Variants in ARID4B observed in about 807,000 individuals in gnomAD.
ARID4B encodes AT-rich interactive domain-containing protein 4B.
Under a neutral mutation model 147.5 loss-of-function variants are expected in ARID4B, and 26 were observed. The ratio of observed to expected loss-of-function variants is 0.18; its 90% CI spans 0.13 to 0.24. ARID4B has a LOEUF of 0.24. Among genes scored for constraint, ARID4B ranks in the 10% least tolerant of loss-of-function variants. The pLI is 1.00. For missense variants in ARID4B, 1,179 were observed against 1,511.5 expected (o/e 0.78, Z 3.65); for synonymous variants, 512 against 507.9 (o/e 1.01, Z -0.11).
chr1:235,211,009 A>C (rs1199343879), intron 17 of ARID4B, among the ~76,000 whole-genome samples: 2 of 152,176 alleles, frequency 1.3e-5, no homozygotes, highest in East Asian at 1.9e-4. Flanking sequence ...ATATCTACTA[A>C]GCCTTTTTTG....
At chr1:235,269,359 T>A (rs760554040) in intron 2 of ARID4B, among the ~76,000 whole-genome samples, 1 of 152,216 alleles carries the variant, frequency 6.6e-6, no homozygotes, top group Non-Finnish European at 1.5e-5. Flanking sequence ...CACATCATCT[T>A]TGAATACTAC....
chr1:235,201,136 C>T (rs1665886486), intron 17 of ARID4B, among the ~76,000 whole-genome samples: 1 of 151,942 alleles, frequency 6.6e-6, no homozygotes, highest in Non-Finnish European at 1.5e-5. Context: ...CACAGCGAGA[C>T]TCTGTCTCCA....
rs758586813 is a variant in ARID4B, at chr1:235,177,879, C to G, written c.3369G>C (p.Gln1123His). The G allele has an allele frequency of 5.0e-6, 8 of 1,611,118 alleles. No individual in the cohort carries two copies. The highest frequency in any genetic ancestry group is 6.8e-6 in the Non-Finnish European group (8 of 1,178,588). Reference sequence around the variant, plus strand: ...GCTTTTTTGATGAACTTCCTCCTCCCTGAGCATCTTTCACTCTTTTCTGAC... The same window carrying G: ...GCTTTTTTGATGAACTTCCTCCTCCGTGAGCATCTTTCACTCTTTTCTGAC... ...CTGQKRVKDA[Q>H]GGGSSSKKQK... Residue 1123 changes from glutamine (Q) to histidine (H), a missense_variant, in exon 21 of 24, where the codon CAG becomes CAC. Gln to His is a conservative substitution (Grantham distance 24). This residue lies in a region of ARID4B where 357 missense variants were observed against 427.3 expected (regional missense o/e 0.84). Coordinates refer to ENST00000264183, the MANE Select transcript of ARID4B (RefSeq NM_016374.6).
intron 2 of ARID4B, among the ~76,000 whole-genome samples, chr1:235,277,523 C>T (rs536202865): frequency 3.0e-5 from 4 of 135,108 alleles, no homozygotes; most frequent in Non-Finnish European, 6.2e-5. Context: ...TGGGCGACAG[C>T]GAGACTCCGT....
chr1:235,204,018 T>C (rs1331620608), intron 17 of ARID4B, among the ~76,000 whole-genome samples: 1 of 152,156 alleles, frequency 6.6e-6, no homozygotes, highest in Non-Finnish European at 1.5e-5. Flanking sequence ...AAAAAAGTAG[T>C]ATATTATTCA....
chr1:235,306,767 C>T (rs1423758973), intron 2 of ARID4B, among the ~76,000 whole-genome samples: 1 of 151,974 alleles, frequency 6.6e-6, no homozygotes, highest in Non-Finnish European at 1.5e-5. Context: ...GCGATTCTCA[C>T]GCCTCAGCTT....
chr1:235,295,208 A>G (rs1672606940), intron 2 of ARID4B, among the ~76,000 whole-genome samples: 1 of 152,152 alleles, frequency 6.6e-6, no homozygotes, highest in African/African-American at 2.4e-5. Flanking sequence ...CATTTTTAGC[A>G]TAAGATAAAA....
intron 2 of ARID4B, among the ~76,000 whole-genome samples, chr1:235,297,677 T>C (rs1374597332): frequency 9.9e-5 from 15 of 152,004 alleles, no homozygotes; most frequent in East Asian, 3.8e-4. Context: ...TGGTAACTAA[T>C]AGAAAGAATA....
At chr1:235,230,436 CAAAA>C (rs1558226696) in intron 10 of ARID4B, among the ~76,000 whole-genome samples, 2 of 144,472 alleles carry the variant, frequency 1.4e-5, no homozygotes, top group Non-Finnish European at 3.0e-5. Flanking sequence ...CAAAACAAAA[CAAAA>C]CAAAAAAAAC....
intron 23 of ARID4B, among the ~76,000 whole-genome samples, chr1:235,170,193 G>A (rs1663240569): frequency 6.6e-6 from 1 of 152,062 alleles, no homozygotes; most frequent in Non-Finnish European, 1.5e-5. Flanking sequence ...TGGCTTACTT[G>A]TCTTTGGAAA....
chr1:235,232,756 T>A (rs765178532), intron 9 of ARID4B, among the ~76,000 whole-genome samples: 47 of 152,168 alleles, frequency 3.1e-4, no homozygotes, highest in Non-Finnish European at 4.9e-4. Flanking sequence ...CAATTTAATA[T>A]TAAGTCAATA....
rs143978134 is a variant in ARID4B, at chr1:235,263,698, C to T, written c.7-2946G>A. Among the ~76,000 whole-genome samples the T allele has an allele frequency of 9.2e-5, 14 of 152,106 alleles. No individual in the cohort carries two copies. The East Asian group carries it at 1.9e-3, about 21-fold the overall frequency. ...AAGAAAATGCCTTTAGAAAGACTTG[C>T]AGAAGGAGGGCTGGGCGCGGGACTC... On this transcript the variant is annotated intron_variant, in intron 2 of 23. Transcript: ENST00000264183.
intron 19 of ARID4B, among the ~76,000 whole-genome samples, chr1:235,187,283 CCT>C (rs1558181644): frequency 6.6e-6 from 1 of 151,940 alleles, no homozygotes; most frequent in Non-Finnish European, 1.5e-5. Flanking sequence ...GAGGTTTCTC[CCT>C]GTTGGTCAGG....
chr1:235,187,742 T>C (rs1571924981), intron 19 of ARID4B, among the ~76,000 whole-genome samples: 1 of 152,178 alleles, frequency 6.6e-6, no homozygotes, highest in Admixed American at 6.5e-5. Context: ...ATGATGATCA[T>C]TAATTAACTG....
At chr1:235,286,060 G>GTTGTTTTTTT (rs1553311443) in intron 2 of ARID4B, among the ~76,000 whole-genome samples, 2 of 151,374 alleles carry the variant, frequency 1.3e-5, no homozygotes, top group Non-Finnish European at 2.9e-5. Context: ...GTTTTGTTTT[G>GTTGTTTTTTT]TTTTGAGATA....
chr1:235,174,041 T>C (rs1288453992), intron 22 of ARID4B, among the ~76,000 whole-genome samples: 1 of 150,546 alleles, frequency 6.6e-6, no homozygotes, highest in Admixed American at 6.6e-5. Context: ...ATCAGAAGTA[T>C]CTTTTTTTTT....
At chr1:235,287,571 C>T (rs1672067843) in intron 2 of ARID4B, among the ~76,000 whole-genome samples, 1 of 152,180 alleles carries the variant, frequency 6.6e-6, no homozygotes, top group Non-Finnish European at 1.5e-5. Flanking sequence ...TGCATCACAT[C>T]AAGCAAATTA....
rs371279861 is a variant in ARID4B at position 235,254,868 on chromosome 1, G to A, written c.274+792C>T. Among the ~76,000 whole-genome samples the A allele has an allele frequency of 2.6e-5, 4 of 152,062 alleles. No individual in the cohort carries two copies. In the South Asian group the frequency reaches 8.3e-4, roughly 32 times the overall value. On this transcript the variant is annotated intron_variant, in intron 5 of 23. Coordinates refer to ENST00000264183, the MANE Select transcript of ARID4B (RefSeq NM_016374.6). Reference sequence around the variant, plus strand: ...CTAGTAATCATGGGAAGGGCATACTGAAACAAAACTGAGATACTACTTTAT... The same window carrying A: ...CTAGTAATCATGGGAAGGGCATACTAAAACAAAACTGAGATACTACTTTAT...
chr1:235,302,153 GAAA>G (rs749154889), intron 2 of ARID4B, among the ~76,000 whole-genome samples: 1 of 30,656 alleles, frequency 3.3e-5, no homozygotes, highest in African/African-American at 1.3e-4. Flanking sequence ...TCAAAAAACG[GAAA>G]AAAAAAAAAA....
Sources: allele counts gnomAD v4.1 joint callset (sites outside exome capture counted in the v4.1 genomes callset), GRCh38; gene constraint gnomAD v4.1.1; regional missense constraint gnomAD v4.1.1; transcripts MANE v1.5; gene names NCBI Gene and HGNC (gene_info 2026-07-23, HGNC 2026-07-21).